TRIM16: variants seen among roughly 807,000 people sequenced by gnomAD.
TRIM16 encodes the protein tripartite motif containing 16.
Under a neutral mutation model 50.4 loss-of-function variants are expected in TRIM16, and 33 were observed. The ratio of observed to expected loss-of-function variants is 0.65; its 90% CI spans 0.50 to 0.88. The LOEUF is 0.88. TRIM16 is among the 40% of genes least tolerant of loss of function. The pLI is 0.00. For synonymous variants in TRIM16, 229 were observed against 270.7 expected, an observed-to-expected ratio of 0.85 and a Z score of 1.51; for missense variants, 581 against 686.8, an observed-to-expected ratio of 0.85 and a Z score of 1.72.
Position 15,629,168 on chromosome 17 carries a change from G to A in TRIM16, c.1142C>T (p.Thr381Ile), listed in dbSNP as rs747593594. Residue 381 changes from threonine (T) to isoleucine (I), a missense_variant, in exon 12 of 12, where the codon ACA (threonine) becomes ATA (isoleucine). Thr to Ile is a moderately conservative substitution (Grantham distance 89). This residue lies in a region of TRIM16 where 450 missense variants were observed against 544.3 expected (regional missense o/e 0.83). Transcript: ENST00000649191. ...CTGCAGCCGGAGATACTTGTGTGCT[G>A]TGTCCGGGTCAAACGTGATGTCATA... ...YAYDITFDPDTAHKYLRLQEE... is the reference protein window; with the variant it reads ...YAYDITFDPDIAHKYLRLQEE... 3 of 1,612,302 alleles carry A rather than the reference G, an allele frequency of 1.9e-6. No homozygotes were observed. In the East Asian group the frequency reaches 6.7e-5, roughly 36 times the overall value.
intron 6 of TRIM16, among the ~76,000 whole-genome samples, chr17:15,669,747 A>G (rs1327529961): frequency 6.6e-6 from 1 of 152,258 alleles, no homozygotes; most frequent in Non-Finnish European, 1.5e-5. Context: ...TCGTGGGGAT[A>G]TACTGCCACA....
rs529477449 is a variant in TRIM16 at position 15,634,631 on chromosome 17, CA to C, written c.849+1404del. 2.2e-3 allele frequency among the ~76,000 whole-genome samples: 185 copies of C among 82,710 alleles called. 8 individuals are homozygous for C. Among genetic ancestry groups the C allele is most frequent in the Middle Eastern group, 7.2e-3 (1 of 138 alleles). 54.3% of individuals were successfully genotyped at this position (82,710 alleles called of 152,430 possible). A position where few individuals can be genotyped will look rare whatever the true frequency, so the allele number is the denominator to read the frequency against. On this transcript the variant is annotated intron_variant, in intron 9 of 11. Coordinates refer to ENST00000649191, the MANE Select transcript of TRIM16 (RefSeq NM_001348119.1). Reference sequence around the variant, plus strand: ...GGGCAACAAGAGTGAAACTCAGTCTCAAAAAAAAAAAAAAACAAATAAAAAT... The same window carrying C: ...GGGCAACAAGAGTGAAACTCAGTCTCAAAAAAAAAAAAAACAAATAAAAAT...
chr17:15,672,093 A>C (rs1342788020), intron 6 of TRIM16, among the ~76,000 whole-genome samples: 1 of 152,126 alleles, frequency 6.6e-6, no homozygotes, highest in Non-Finnish European at 1.5e-5. Flanking sequence ...AACAGTGCAA[A>C]TTATTCAGGA....
rs373336206 is a variant in TRIM16, at chr17:15,635,716, C to T, written c.849+320G>A. 8.9e-5 allele frequency among the ~76,000 whole-genome samples: 11 copies of T among 123,004 alleles called. No individual in the cohort carries two copies. In the South Asian group the frequency reaches 3.5e-3, roughly 39 times the overall value. 80.7% of individuals were successfully genotyped at this position (123,004 alleles called of 152,430 possible). ...CCCAGGCTCCACCCCTATTAAAGTA[C>T]CTTGGCTCCCCAAATCAGCTGTGCT... On this transcript the variant is annotated intron_variant, in intron 9 of 11. Coordinates refer to ENST00000649191, the MANE Select transcript of TRIM16 (RefSeq NM_001348119.1).
intron 6 of TRIM16, among the ~76,000 whole-genome samples, chr17:15,676,465 C>T (rs1399496448): frequency 6.7e-6 from 1 of 149,162 alleles, no homozygotes; most frequent in African/African-American, 2.5e-5. Context: ...GATGGAGTCT[C>T]GCTCTGTCAC....
Position 15,653,348 on chromosome 17 carries a change from C to T in TRIM16, c.-337-1402G>A, listed in dbSNP as rs116619603. On this transcript the variant is annotated intron_variant, in intron 6 of 11. Transcript: ENST00000649191. ...TGTTTTCTTTATACGTTACCCCCAC[C>T]CCCTCAGGTATTCCTTTACAGCAAC... Among the ~76,000 whole-genome samples the T allele has an allele frequency of 4.5e-3, 690 of 152,264 alleles. 7 individuals are homozygous for T. The highest frequency in any genetic ancestry group is 0.016 in the African/African-American group (659 of 41,560).
intron 6 of TRIM16, among the ~76,000 whole-genome samples, chr17:15,655,507 C>A (rs777691892): frequency 6.6e-6 from 1 of 152,188 alleles, no homozygotes; most frequent in Non-Finnish European, 1.5e-5. Context: ...GCAGACATTC[C>A]ACAGTGGTGT....
chr17:15,654,880 C>A (rs143115485), intron 6 of TRIM16, among the ~76,000 whole-genome samples: 362 of 152,170 alleles, frequency 2.4e-3, no homozygotes, highest in African/African-American at 8.4e-3. Context: ...TAATAAGTAT[C>A]CTCCTCAATC....
At chr17:15,656,608 G>A (rs1260077664) in intron 6 of TRIM16, among the ~76,000 whole-genome samples, 1 of 151,906 alleles carries the variant, frequency 6.6e-6, no homozygotes, top group Non-Finnish European at 1.5e-5. Flanking sequence ...TCTCCTCCTG[G>A]CTGTCTTCTA....
chr17:15,680,958 A>T lies in TRIM16; in HGVS notation c.-678-5T>A. The T allele has an allele frequency of 4.0e-6, 6 of 1,503,674 alleles. No individual in the cohort carries two copies. Among genetic ancestry groups the T allele is most frequent in the Non-Finnish European group, 5.3e-6 (6 of 1,127,974 alleles). The allele number at this position is 1,503,674 out of a possible 1,614,324, so 93.1% of individuals were successfully genotyped here. On this transcript the variant is annotated splice_region_variant and splice_polypyrimidine_tract_variant and intron_variant, in intron 3 of 11. Coordinates refer to ENST00000649191, the MANE Select transcript of TRIM16 (RefSeq NM_001348119.1). ...CAGGGTCCTCAGAGGGCAGAACTGG[A>T]AGGAAATTGACATAAAGGAACCTGG...
intron 6 of TRIM16, among the ~76,000 whole-genome samples, chr17:15,668,097 G>A (rs541970565): frequency 3.3e-5 from 5 of 152,146 alleles, no homozygotes; most frequent in East Asian, 3.9e-4. Flanking sequence ...ATCTCACCCC[G>A]CACGATCTAT....
chr17:15,666,795 C>T (rs1187308098), intron 6 of TRIM16, among the ~76,000 whole-genome samples: 1 of 152,200 alleles, frequency 6.6e-6, no homozygotes, highest in Non-Finnish European at 1.5e-5. Context: ...TGTAACCAAG[C>T]GTGTTCATCC....
In TRIM16 at chr17:15,628,809, A is replaced by G. The variant is rs766922961; in HGVS notation, c.1501T>C (p.Phe501Leu). The change falls in exon 12 of 12, where the codon TTC becomes CTC. Residue 501 changes from phenylalanine to leucine, a missense_variant. This residue lies in a region of TRIM16 where 115 missense variants were observed against 106.7 expected (regional missense o/e 1.08). Transcript: ENST00000649191. ...PFRRLGVYID[F>L]PGGILSFYGV... is the part of the protein sequence containing the mutation. ...TAGAAGGAAAGGATCCCTCCCGGGA[A>G]GTCGATATAGACCCCGAGCCTCCGG... The G allele has an allele frequency of 2.5e-6, 4 of 1,614,082 alleles. No individual in the cohort carries two copies. The highest frequency in any genetic ancestry group is 3.4e-6 in the Non-Finnish European group (4 of 1,180,020).
In TRIM16 at chr17:15,672,751, A is replaced by G. The variant is rs1051841776; in HGVS notation, c.-338+4425T>C. On this transcript the variant is annotated intron_variant, in intron 6 of 11. Transcript: ENST00000649191. ...CTGTCTCAAACAAACAAACAAACAA[A>G]CTAATCTGAGAGGAGAGCACAAGCA... Among the ~76,000 whole-genome samples, 22 of 152,174 alleles carry G rather than the reference A, an allele frequency of 1.4e-4. 1 individual carries two copies. The East Asian group carries it at 4.3e-3, about 29-fold the overall frequency.
chr17:15,682,781 G>T, intron 3 of TRIM16, 73 bp downstream of exon 3: 1 of 1,321,256 alleles, frequency 7.6e-7, no homozygotes. Context: ...CGGAAGTAAG[G>T]TATCTTCTTT....
chr17:15,655,950 T>C (rs1354285594), intron 6 of TRIM16, among the ~76,000 whole-genome samples: 1 of 152,214 alleles, frequency 6.6e-6, no homozygotes, highest in Admixed American at 6.5e-5. Flanking sequence ...TAAATCAATT[T>C]CTAGTTTGGC....
intron 6 of TRIM16, among the ~76,000 whole-genome samples, chr17:15,656,548 C>A (rs1163603229): frequency 6.6e-6 from 1 of 151,938 alleles, no homozygotes; most frequent in East Asian, 1.9e-4. Flanking sequence ...CCCTCCCCAG[C>A]CCCTTTGCAA....
intron 6 of TRIM16, among the ~76,000 whole-genome samples, chr17:15,655,371 T>C (rs1052106403): frequency 2.2e-4 from 33 of 152,156 alleles, no homozygotes; most frequent in African/African-American, 6.3e-4. Context: ...CTTCCCTCCC[T>C]ATCTCATTCC....
At chr17:15,629,242 G>A (rs1986279831) in intron 11 of TRIM16, 44 bp from the exon 12 acceptor site, 2 of 1,500,188 alleles carry the variant, frequency 1.3e-6, no homozygotes, top group South Asian at 2.6e-5. Context: ...GGAACTGACA[G>A]CTGATTCAGA....
Sources: gnomAD v4.1 joint callset for allele counts (sites outside exome capture counted in the v4.1 genomes callset) on GRCh38, gnomAD v4.1.1 for gene constraint, gnomAD v4.1.1 regional missense constraint, MANE v1.5 for transcripts, NCBI Gene and HGNC (gene_info 2026-07-23, HGNC 2026-07-21) for gene names.